ATP8A2: variants seen among roughly 807,000 people sequenced by gnomAD.
ATP8A2 encodes phospholipid-transporting ATPase IB.
ATP8A2 carries 100 observed loss-of-function variants against 165.6 expected under a neutral mutation model. That is an observed-to-expected ratio of 0.60 (90% CI 0.51 to 0.71). ATP8A2 has a LOEUF of 0.71. Ranked by LOEUF, ATP8A2 falls within the 30% of genes least tolerant of loss-of-function variation. The pLI, the probability that ATP8A2 is intolerant of heterozygous loss-of-function variation, is 0.00. For missense variants in ATP8A2, 1,227 were observed against 1,479.5 expected, an observed-to-expected ratio of 0.83 and a Z score of 2.80; for synonymous variants, 543 against 548.8, an observed-to-expected ratio of 0.99 and a Z score of 0.15.
chr13:25,660,074 T>C (rs1307867045), intron 24 of ATP8A2, among the ~76,000 whole-genome samples: 1 of 152,214 alleles, frequency 6.6e-6, no homozygotes, highest in Admixed American at 6.5e-5. Context: ...GCCCTTTATG[T>C]TGGACAAGTT....
chr13:25,965,986 G>T (rs974330162), intron 34 of ATP8A2, among the ~76,000 whole-genome samples: 2 of 146,338 alleles, frequency 1.4e-5, no homozygotes, highest in African/African-American at 5.1e-5. Flanking sequence ...CTTTTGACTT[G>T]CTGTTCTTGC....
intron 10 of ATP8A2, among the ~76,000 whole-genome samples, chr13:25,546,514 C>T (rs1365429431): frequency 4.9e-5 from 7 of 142,188 alleles, no homozygotes; most frequent in African/African-American, 7.7e-5. Context: ...GTTCTTCTAC[C>T]TTTTTTTTTT....
At chr13:25,550,941 G>C (rs1253739226) in intron 10 of ATP8A2, among the ~76,000 whole-genome samples, 1 of 152,108 alleles carries the variant, frequency 6.6e-6, no homozygotes, top group Non-Finnish European at 1.5e-5. Context: ...TATCGTGAAG[G>C]TCTTCTCTAG....
intron 1 of ATP8A2, among the ~76,000 whole-genome samples, chr13:25,423,243 A>G (rs2034350395): frequency 2.0e-5 from 3 of 152,212 alleles, no homozygotes; most frequent in Admixed American, 2.0e-4. Flanking sequence ...AGATCAGATT[A>G]AACATTATTA....
chr13:25,985,879 T>C (rs1456105885), intron 35 of ATP8A2, among the ~76,000 whole-genome samples: 1 of 152,162 alleles, frequency 6.6e-6, no homozygotes, highest in Non-Finnish European at 1.5e-5. Flanking sequence ...GGGGTGGGGG[T>C]ATCACTGTGA....
chr13:25,452,148 T>C (rs990384134), intron 1 of ATP8A2, among the ~76,000 whole-genome samples: 8 of 152,166 alleles, frequency 5.3e-5, no homozygotes, highest in Non-Finnish European at 1.2e-4. Flanking sequence ...CCACCGTGCC[T>C]GGCCTAACCT....
intron 25 of ATP8A2, among the ~76,000 whole-genome samples, chr13:25,733,274 CT>C (rs2043693509): frequency 6.6e-6 from 1 of 152,044 alleles, no homozygotes; most frequent in South Asian, 2.1e-4. Context: ...ATTTCCACCC[CT>C]GACTGCCCAC....
Position 25,404,631 on chromosome 13 carries a change from C to T in ATP8A2, c.76+32343C>T, listed in dbSNP as rs1277627041. On this transcript the variant is annotated intron_variant, in intron 1 of 36. Coordinates refer to ENST00000381655, the MANE Select transcript of ATP8A2 (RefSeq NM_016529.6). ...AAAGGAGGGAGAAAGAGGAGGCGAG[C>T]GTGCTGCTCAGATTTCTGGTTTGCG... is the stretch of plus-strand genomic sequence containing the variant. 3.9e-5 allele frequency among the ~76,000 whole-genome samples: 6 copies of T among 151,976 alleles called. No individual in the cohort carries two copies. In the East Asian group the frequency reaches 5.8e-4, roughly 15 times the overall value.
intron 16 of ATP8A2, among the ~76,000 whole-genome samples, chr13:25,569,187 A>G (rs1383325666): frequency 1.3e-5 from 2 of 152,154 alleles, no homozygotes; most frequent in African/African-American, 4.8e-5. Flanking sequence ...ACTTTTGGGG[A>G]AAATTTCTTA....
intron 35 of ATP8A2, among the ~76,000 whole-genome samples, chr13:25,981,300 G>A (rs1160524162): frequency 6.6e-6 from 1 of 152,196 alleles, no homozygotes; most frequent in Non-Finnish European, 1.5e-5. Context: ...AATCAAAATA[G>A]CATCATGTGA....
chr13:25,609,534 G>GGGATTCAAATATATATCTATATATTT (rs2040604599), intron 24 of ATP8A2, among the ~76,000 whole-genome samples: 1 of 42,218 alleles, frequency 2.4e-5, no homozygotes, highest in Non-Finnish European at 7.2e-5. Flanking sequence ...ATATATATTT[G>GGGATTCAAATATATATCTATATATTT]GGATTCAAAT....
intron 25 of ATP8A2, among the ~76,000 whole-genome samples, chr13:25,699,628 G>GC (rs2042909937): frequency 6.6e-6 from 1 of 152,140 alleles, no homozygotes; most frequent in Admixed American, 6.5e-5. Flanking sequence ...GAAAAACACT[G>GC]CCTCAAGCCC....
chr13:25,429,870 C>T (rs117432550), intron 1 of ATP8A2, among the ~76,000 whole-genome samples: 2,424 of 152,096 alleles, frequency 0.016, 36 homozygotes, highest in Non-Finnish European at 0.023. Context: ...GTGGCCTGGG[C>T]AGGAGTCAGC....
At chr13:25,725,731 T>C (rs1224555128) in intron 25 of ATP8A2, among the ~76,000 whole-genome samples, 1 of 152,234 alleles carries the variant, frequency 6.6e-6, no homozygotes, top group East Asian at 1.9e-4. Flanking sequence ...ATGCTTTTTG[T>C]ATTTTTGCTC....
At chr13:25,401,895 C>T (rs532819705) in intron 1 of ATP8A2, among the ~76,000 whole-genome samples, 8 of 152,148 alleles carry the variant, frequency 5.3e-5, no homozygotes, top group South Asian at 4.2e-4. Flanking sequence ...TTCACTCTGT[C>T]GCCCAGGCTG....
intron 33 of ATP8A2, among the ~76,000 whole-genome samples, chr13:25,943,794 G>C (rs978413429): frequency 6.6e-6 from 1 of 152,180 alleles, no homozygotes; most frequent in Non-Finnish European, 1.5e-5. Flanking sequence ...TGCCTGTGTA[G>C]ACTCCCAGCC....
intron 24 of ATP8A2, among the ~76,000 whole-genome samples, chr13:25,627,933 T>C (rs1049971878): frequency 1.8e-4 from 27 of 152,178 alleles, no homozygotes; most frequent in Non-Finnish European, 4.4e-5. Flanking sequence ...TGCAAGGGTT[T>C]TACTTAACAA....
At chr13:25,436,606 C>T (rs2034782893) in intron 1 of ATP8A2, among the ~76,000 whole-genome samples, 1 of 152,074 alleles carries the variant, frequency 6.6e-6, no homozygotes, top group Admixed American at 6.6e-5. Context: ...GATTTATTTT[C>T]CTTGGGGTAT....
intron 27 of ATP8A2, among the ~76,000 whole-genome samples, chr13:25,794,820 T>C (rs1222421037): frequency 2.1e-4 from 29 of 139,598 alleles, no homozygotes; most frequent in East Asian, 4.3e-4. Context: ...TTCCCTCTCC[T>C]ACACACACAC....
Sources: allele counts gnomAD v4.1 joint callset (sites outside exome capture counted in the v4.1 genomes callset), GRCh38; gene constraint gnomAD v4.1.1; transcripts MANE v1.5; gene names NCBI Gene and HGNC (gene_info 2026-07-23, HGNC 2026-07-21).